Variants in DTNBP1 observed in about 807,000 individuals in gnomAD.
DTNBP1 encodes the protein dystrobrevin binding protein 1.
DTNBP1 carries 35 observed loss-of-function variants against 42.8 expected under a neutral mutation model. The ratio of observed to expected loss-of-function variants is 0.82; its 90% CI spans 0.63 to 1.09. DTNBP1 has a LOEUF of 1.09. Among genes scored for constraint, DTNBP1 ranks in the 50% least tolerant of loss-of-function variants. The pLI is 0.00. For missense variants in DTNBP1, 457 were observed against 424.2 expected (o/e 1.08, Z -0.68); for synonymous variants, 171 against 162.2 (o/e 1.05, Z -0.41).
rs1378989228 is a variant in DTNBP1 at position 15,523,907 on chromosome 6, G to T, written c.811+619C>A. 7.8e-6 allele frequency: 10 copies of T among 1,287,262 alleles called. No individual in the cohort carries two copies. The South Asian group carries it at 1.1e-4, about 14-fold the overall frequency. 79.7% of individuals were successfully genotyped at this position (1,287,262 alleles called of 1,614,324 possible). A position where few individuals can be genotyped will look rare whatever the true frequency, so the allele number is the denominator to read the frequency against. On this transcript the variant is annotated intron_variant, in intron 9 of 9. Transcript: ENST00000344537. ...GTAGAACCTTCTACAGATGGCTGAG[G>T]TGCTGCTGGGACGACTGAGCTTTGC...
At chr6:15,604,452 G>A (rs1367504185) in intron 6 of DTNBP1, among the ~76,000 whole-genome samples, 1 of 152,024 alleles carries the variant, frequency 6.6e-6, no homozygotes, top group African/African-American at 2.4e-5. Context: ...AAAAGAGATC[G>A]TTTTTGGATC....
upstream of DTNBP1, chr6:15,663,040 C>A (rs1761751153): frequency 1.2e-6 from 1 of 843,880 alleles, no homozygotes; most frequent in Non-Finnish European, 1.7e-6. Flanking sequence ...GCCCCTTCCG[C>A]GTTCCCGCCC....
At chr6:15,627,533 C>T (rs771299651) in intron 4 of DTNBP1, 58 bp from the exon 5 acceptor site, 2 of 1,607,998 alleles carry the variant, frequency 1.2e-6, no homozygotes, top group East Asian at 4.5e-5. Context: ...AAAGAAAGTA[C>T]AGTTAACGTA....
At chr6:15,525,441 G>C (rs946901304) in intron 8 of DTNBP1, among the ~76,000 whole-genome samples, 8 of 152,228 alleles carry the variant, frequency 5.3e-5, no homozygotes, top group African/African-American at 1.9e-4. Context: ...TTTAAACAAA[G>C]TCAATCCCAA....
intron 7 of DTNBP1, among the ~76,000 whole-genome samples, chr6:15,545,536 T>C (rs895367068): frequency 1.3e-5 from 2 of 152,130 alleles, no homozygotes; most frequent in African/African-American, 4.8e-5. Flanking sequence ...TACTATACTT[T>C]TACATGCAAC....
intron 6 of DTNBP1, among the ~76,000 whole-genome samples, chr6:15,606,588 G>T (rs375412495): frequency 6.6e-6 from 1 of 152,184 alleles, no homozygotes; most frequent in East Asian, 1.9e-4. Context: ...GGAGCCTATT[G>T]CAGAGCCTAT....
chr6:15,590,268 A>G (rs1776242270), intron 7 of DTNBP1, among the ~76,000 whole-genome samples: 1 of 151,868 alleles, frequency 6.6e-6, no homozygotes, highest in South Asian at 2.1e-4. Flanking sequence ...TTCGGATTCA[A>G]CCTTTACAAA....
chr6:15,533,201 C>T lies in DTNBP1; in HGVS notation c.667+39G>A, dbSNP rs201229929. 8.1e-5 allele frequency: 130 copies of T among 1,610,912 alleles called. 1 individual carries two copies. Among genetic ancestry groups the T allele is most frequent in the East Asian group, 3.6e-4 (16 of 44,862 alleles). On this transcript the variant is annotated intron_variant, in intron 8 of 9. Coordinates refer to ENST00000344537, the MANE Select transcript of DTNBP1 (RefSeq NM_032122.5). ...GGGGTCCATCGCCACCCCGCACAGC[C>T]GGTGAGTCCCCACACCAGCAGCCCC... is the stretch of plus-strand genomic sequence containing the variant.
At chr6:15,630,056 G>A (rs557992436) in intron 4 of DTNBP1, among the ~76,000 whole-genome samples, 22 of 152,252 alleles carry the variant, frequency 1.4e-4, no homozygotes, top group African/African-American at 5.3e-4. Flanking sequence ...AGGAAATTAA[G>A]TTTAAGGAGC....
chr6:15,643,397 T>C (rs1760488631), intron 3 of DTNBP1, among the ~76,000 whole-genome samples: 1 of 152,008 alleles, frequency 6.6e-6, no homozygotes, highest in African/African-American at 2.4e-5. Context: ...GGAAAATTTC[T>C]CCAATCTTGC....
Position 15,522,895 on chromosome 6 carries a change from A to ATTT in DTNBP1, c.*79_*80insAAA. The ATTT allele has an allele frequency of 1.9e-6, 3 of 1,612,418 alleles. No homozygotes were observed. The South Asian group carries it at 3.3e-5, about 18-fold the overall frequency. ...TGTAAAAATCAAGAACCTCTATAAAACAACCTGGCTTTCCAGGTGGAATTC... is the reference window on the plus strand; with the variant it reads ...TGTAAAAATCAAGAACCTCTATAAAATTTCAACCTGGCTTTCCAGGTGGAATTC... On this transcript the variant is annotated 3_prime_UTR_variant, in exon 10 of 10. Coordinates refer to ENST00000344537, the MANE Select transcript of DTNBP1 (RefSeq NM_032122.5).
intron 7 of DTNBP1, among the ~76,000 whole-genome samples, chr6:15,549,749 GA>G (rs1774106923): frequency 6.6e-6 from 1 of 152,132 alleles, no homozygotes; most frequent in Non-Finnish European, 1.5e-5. Context: ...GAAGCCTTGT[GA>G]AAAGTTTTAA....
At chr6:15,524,290 C>A (rs1222505729) in intron 9 of DTNBP1, 1 of 1,609,552 alleles carries the variant, frequency 6.2e-7, no homozygotes, top group South Asian at 1.1e-5. Context: ...TCTCAACTCA[C>A]CAAAGTTACC....
chr6:15,543,332 C>T (rs1465806580), intron 7 of DTNBP1, among the ~76,000 whole-genome samples: 1 of 152,156 alleles, frequency 6.6e-6, no homozygotes, highest in African/African-American at 2.4e-5. Flanking sequence ...GGTATAAGGT[C>T]AAAACCCAAC....
intron 8 of DTNBP1, among the ~76,000 whole-genome samples, chr6:15,525,679 A>T (rs1166336390): frequency 6.6e-6 from 1 of 152,244 alleles, no homozygotes; most frequent in Non-Finnish European, 1.5e-5. Context: ...GTCACAGCCC[A>T]ATAGAAAATT....
At chr6:15,658,205 C>CT (rs1761389972) in intron 1 of DTNBP1, among the ~76,000 whole-genome samples, 1 of 152,168 alleles carries the variant, frequency 6.6e-6, no homozygotes, top group Non-Finnish European at 1.5e-5. Context: ...AAAAAGGACA[C>CT]TTTGAGTGCC....
intron 6 of DTNBP1, among the ~76,000 whole-genome samples, chr6:15,604,840 G>C (rs1191703224): frequency 6.6e-6 from 1 of 152,102 alleles, no homozygotes; most frequent in Non-Finnish European, 1.5e-5. Context: ...AAAGAATCAG[G>C]ACCCTTAAAA....
At chr6:15,545,394 T>C (rs193028885) in intron 7 of DTNBP1, among the ~76,000 whole-genome samples, 1 of 152,356 alleles carries the variant, frequency 6.6e-6, no homozygotes, top group Non-Finnish European at 1.5e-5. Context: ...GAATTGGCAT[T>C]TGGAAAAACA....
intron 7 of DTNBP1, among the ~76,000 whole-genome samples, chr6:15,549,859 C>G (rs1231863859): frequency 1.3e-5 from 2 of 152,182 alleles, no homozygotes; most frequent in East Asian, 3.8e-4. Flanking sequence ...ACTACAGAAT[C>G]TGAAAGGCCT....
Sources: gnomAD v4.1 joint callset for allele counts (sites outside exome capture counted in the v4.1 genomes callset) on GRCh38, gnomAD v4.1.1 for gene constraint, MANE v1.5 for transcripts, NCBI Gene and HGNC (gene_info 2026-07-23, HGNC 2026-07-21) for gene names.